NELL1: variants seen among roughly 807,000 people sequenced by gnomAD.
NELL1 encodes the protein neural EGFL like 1.
In NELL1, 76 loss-of-function variants were observed where a neutral mutation model predicts 107.4. That is an observed-to-expected ratio of 0.71 (90% CI 0.59 to 0.86). The LOEUF (loss-of-function observed/expected upper bound fraction) is 0.86. NELL1 is among the 40% of genes least tolerant of loss of function. The pLI, the probability that NELL1 is intolerant of heterozygous loss-of-function variation, is 0.00. For synonymous variants in NELL1, 353 were observed against 341.2 expected, an observed-to-expected ratio of 1.03 and a Z score of -0.38; for missense variants, 1,024 against 1,005.5, an observed-to-expected ratio of 1.02 and a Z score of -0.25.
intron 12 of NELL1, among the ~76,000 whole-genome samples, chr11:21,025,371 T>G (rs1413769067): frequency 6.6e-6 from 1 of 151,906 alleles, no homozygotes; most frequent in Non-Finnish European, 1.5e-5. Context: ...TTAAGTAACT[T>G]CCCAGGGTCT....
intron 15 of NELL1, among the ~76,000 whole-genome samples, chr11:21,450,754 C>A (rs7104408): frequency 1 from 152,059 of 152,266 alleles, 75,927 homozygotes; most frequent in Middle Eastern, 1. Context: ...TCACTTCTAC[C>A]TCTATTATTG....
At chr11:21,155,886 G>T (rs1022891387) in intron 13 of NELL1, among the ~76,000 whole-genome samples, 1 of 152,134 alleles carries the variant, frequency 6.6e-6, no homozygotes, top group Non-Finnish European at 1.5e-5. Context: ...GTGAAGACAA[G>T]ATTTTATTAA....
At chr11:20,909,631 ACT>A (rs1467118634) in intron 5 of NELL1, among the ~76,000 whole-genome samples, 1 of 151,708 alleles carries the variant, frequency 6.6e-6, no homozygotes, top group African/African-American at 2.4e-5. Context: ...TCTTTTAGTG[ACT>A]CTCTATTGCA....
At chr11:21,477,347 G>GACTC (rs1021181810) in intron 15 of NELL1, among the ~76,000 whole-genome samples, 1 of 152,120 alleles carries the variant, frequency 6.6e-6, no homozygotes, top group African/African-American at 2.4e-5. Flanking sequence ...GAGAGAGAGA[G>GACTC]ACTCAATTTA....
At chr11:20,868,283 C>T (rs1269908631) in intron 4 of NELL1, among the ~76,000 whole-genome samples, 1 of 152,044 alleles carries the variant, frequency 6.6e-6, no homozygotes, top group African/African-American at 2.4e-5. Flanking sequence ...ATAAGCCAGT[C>T]ACAAAAGGAC....
At chr11:20,773,168 C>T (rs1014639361) in intron 2 of NELL1, among the ~76,000 whole-genome samples, 1 of 152,178 alleles carries the variant, frequency 6.6e-6, no homozygotes, top group Non-Finnish European at 1.5e-5. Context: ...CCACCATAAC[C>T]AACCATCAGT....
chr11:21,341,387 G>A (rs551045696), intron 14 of NELL1, among the ~76,000 whole-genome samples: 52 of 152,272 alleles, frequency 3.4e-4, no homozygotes, highest in Admixed American at 1.5e-3. Flanking sequence ...CATATTTGGC[G>A]TATTCTGTAC....
chr11:20,741,607 A>G (rs1319536008), intron 2 of NELL1, among the ~76,000 whole-genome samples: 1 of 152,164 alleles, frequency 6.6e-6, no homozygotes, highest in African/African-American at 2.4e-5. Flanking sequence ...AATCCTAAGA[A>G]CTTTTCAGAG....
chr11:20,739,712 C>T (rs536286163), intron 2 of NELL1, among the ~76,000 whole-genome samples: 1 of 152,160 alleles, frequency 6.6e-6, no homozygotes, highest in African/African-American at 2.4e-5. Context: ...TCCCGCACTG[C>T]CATTCCCTGG....
chr11:21,152,500 A>G (rs1856140775), intron 13 of NELL1, among the ~76,000 whole-genome samples: 1 of 152,186 alleles, frequency 6.6e-6, no homozygotes, highest in Non-Finnish European at 1.5e-5. Context: ...TTTTCTTGTC[A>G]AAAAGGTTTT....
chr11:20,920,764 C>T (rs1429784), intron 7 of NELL1, among the ~76,000 whole-genome samples: 3,116 of 152,142 alleles, frequency 0.02, 119 homozygotes, highest in African/African-American at 0.071. Flanking sequence ...CAGAGAATGT[C>T]ATTTTTCTCT....
At chr11:20,936,247 C>A (rs1850722549) in intron 9 of NELL1, among the ~76,000 whole-genome samples, 1 of 152,118 alleles carries the variant, frequency 6.6e-6, no homozygotes, top group Admixed American at 6.5e-5. Context: ...GTTCACCCAT[C>A]AAGAGAACTT....
intron 12 of NELL1, among the ~76,000 whole-genome samples, chr11:21,012,576 A>C (rs1379815059): frequency 6.6e-6 from 1 of 152,132 alleles, no homozygotes; most frequent in Non-Finnish European, 1.5e-5. Flanking sequence ...AAAGAGTCTA[A>C]TATACATACA....
At chr11:21,558,600 A>G (rs1265124695) in intron 16 of NELL1, among the ~76,000 whole-genome samples, 2 of 152,062 alleles carry the variant, frequency 1.3e-5, no homozygotes, top group Middle Eastern at 3.2e-3. Flanking sequence ...TAACAATTGC[A>G]GTATTAGATG....
chr11:21,183,118 C>T (rs1232385541), intron 13 of NELL1, among the ~76,000 whole-genome samples: 1 of 151,802 alleles, frequency 6.6e-6, no homozygotes, highest in Non-Finnish European at 1.5e-5. Flanking sequence ...ACCAAATTTC[C>T]AAATAGAAAA....
intron 15 of NELL1, among the ~76,000 whole-genome samples, chr11:21,469,792 G>T (rs894513161): frequency 1.3e-5 from 2 of 152,046 alleles, no homozygotes; most frequent in Non-Finnish European, 2.9e-5. Context: ...CTATGGAGTC[G>T]AGGGTGGTGG....
At chr11:21,167,670 T>A (rs1856515754) in intron 13 of NELL1, among the ~76,000 whole-genome samples, 1 of 151,792 alleles carries the variant, frequency 6.6e-6, no homozygotes, top group African/African-American at 2.4e-5. Flanking sequence ...GGAGTATGAG[T>A]CTCCTCCCTT....
chr11:20,929,189 G>C (rs935644131), intron 9 of NELL1, among the ~76,000 whole-genome samples: 7 of 152,180 alleles, frequency 4.6e-5, no homozygotes, highest in Non-Finnish European at 8.8e-5. Flanking sequence ...CTTTTTATCA[G>C]TCCATATGGT....
At chr11:20,969,663 A>G (rs1851455284) in intron 12 of NELL1, among the ~76,000 whole-genome samples, 1 of 106,930 alleles carries the variant, frequency 9.4e-6, no homozygotes, top group African/African-American at 4.0e-5. Context: ...GTGATGTAGT[A>G]AAGAACAAAG....
Sources: allele counts gnomAD v4.1 joint callset (sites outside exome capture counted in the v4.1 genomes callset), GRCh38; gene constraint gnomAD v4.1.1; transcripts MANE v1.5; gene names NCBI Gene and HGNC (gene_info 2026-07-23, HGNC 2026-07-21).